CCDC40: variants seen among roughly 807,000 people sequenced by gnomAD.
CCDC40 encodes coiled-coil domain 40 molecular ruler complex subunit, also known as coiled-coil domain-containing protein 40.
A neutral mutation model predicts 124.5 loss-of-function variants in CCDC40; 104 were observed. The ratio of observed to expected loss-of-function variants is 0.84; its 90% CI spans 0.71 to 0.98. CCDC40 has a LOEUF of 0.98. Ranked by LOEUF, CCDC40 falls within the 50% of genes least tolerant of loss-of-function variation. The probability of loss-of-function intolerance (pLI) is 0.00; values close to 1 mark genes in which losing one functional copy is unlikely to be tolerated. For missense variants in CCDC40, 1,463 were observed against 1,503.9 expected, an observed-to-expected ratio of 0.97 and a Z score of 0.45; for synonymous variants, 580 against 602.9, an observed-to-expected ratio of 0.96 and a Z score of 0.56.
chr17:80,099,724 C>G lies in CCDC40; in HGVS notation c.3378C>G (p.His1126Gln). The G allele has an allele frequency of 6.2e-7, 1 of 1,613,704 alleles. No individual in the cohort carries two copies. The highest frequency in any genetic ancestry group is 1.1e-5 in the South Asian group (1 of 91,082). Residue 1126 changes from histidine (H) to glutamine (Q), a missense_variant, in exon 20 of 20, where the codon CAC becomes CAG. His to Gln is a conservative substitution (Grantham distance 24). Coordinates refer to ENST00000397545, the MANE Select transcript of CCDC40 (RefSeq NM_017950.4). ...ACCCCCAGTTCCAGGAGGCCCTGCA[C>G]AAGGTCAGCCAGATGATCGCCAACA... ...DEYPQFQEALHKVSQMIANKL... is the reference protein window; with the variant it reads ...DEYPQFQEALQKVSQMIANKL...
At chr17:80,089,590 G>T in intron 16 of CCDC40, 174 bp from the exon 17 acceptor site, 3 of 453,072 alleles carry the variant, frequency 6.6e-6, no homozygotes, top group South Asian at 1.9e-5. Flanking sequence ...GCAAACGTTT[G>T]CATAAGGAGC....
intron 17 of CCDC40, among the ~76,000 whole-genome samples, chr17:80,091,809 G>A (rs1567815051): frequency 6.6e-6 from 1 of 151,722 alleles, no homozygotes. Flanking sequence ...CCAAAGGTGA[G>A]ATTACTAGGT....
chr17:80,044,704 A>ATATATAT (rs1485851817), intron 3 of CCDC40, among the ~76,000 whole-genome samples: 2,533 of 35,092 alleles, frequency 0.072, 43 homozygotes, highest in Non-Finnish European at 0.1. Flanking sequence ...AAAACAAACA[A>ATATATAT]ACAAAAAAAA....
At position 80,066,632 on chromosome 17, in the gene CCDC40, G is replaced by C. The variant is rs2038053595; in HGVS notation, c.1562+1026G>C. On this transcript the variant is annotated intron_variant, in intron 10 of 19. Transcript: ENST00000397545. The surrounding 1 kb of genome is among the most constrained non-coding windows in gnomAD (Gnocchi z 4.4). Reference sequence around the variant, plus strand: ...TTAGCCAGGCATGGTGTGGGCGCCTGTAATCCCCGCTACTCGGGAGGGTGA... The same window carrying C: ...TTAGCCAGGCATGGTGTGGGCGCCTCTAATCCCCGCTACTCGGGAGGGTGA... The C allele has an allele frequency of 6.1e-6, 1 of 164,946 alleles. No individual in the cohort carries two copies. The highest frequency in any genetic ancestry group is 1.3e-5 in the Non-Finnish European group (1 of 76,046). 10.2% of individuals were successfully genotyped at this position (164,946 alleles called of 1,614,324 possible). A position where few individuals can be genotyped will look rare whatever the true frequency, so the allele number is the denominator to read the frequency against.
intron 9 of CCDC40, among the ~76,000 whole-genome samples, chr17:80,061,831 G>A (rs1257258579): frequency 3.0e-5 from 4 of 132,358 alleles, no homozygotes; most frequent in African/African-American, 1.2e-4. Context: ...CATCCAGGGC[G>A]ATATGATCAT....
At chr17:80,093,300 G>A (rs1016007347) in intron 17 of CCDC40, among the ~76,000 whole-genome samples, 7 of 152,102 alleles carry the variant, frequency 4.6e-5, no homozygotes, top group African/African-American at 1.7e-4. Flanking sequence ...TCCTGCCTCA[G>A]CCTCCTGAGT....
intron 9 of CCDC40, among the ~76,000 whole-genome samples, chr17:80,060,319 G>T (rs1204402748): frequency 1.3e-5 from 2 of 151,980 alleles, no homozygotes; most frequent in African/African-American, 4.8e-5. Flanking sequence ...GAGGCAAGAG[G>T]ATGGCTTGAG....
At chr17:80,040,870 C>G (rs904000072) in intron 3 of CCDC40, among the ~76,000 whole-genome samples, 3 of 152,116 alleles carry the variant, frequency 2.0e-5, no homozygotes, top group African/African-American at 7.2e-5. Flanking sequence ...TACGGTCCAT[C>G]AGTCACATGT....
At position 80,082,068 on chromosome 17, in the gene CCDC40, T is replaced by A. The variant is rs1401183157; in HGVS notation, c.1989+10T>A. The A allele has an allele frequency of 9.3e-6, 15 of 1,611,848 alleles. No individual in the cohort carries two copies. The highest frequency in any genetic ancestry group is 1.3e-5 in the Non-Finnish European group (15 of 1,179,274). ...GGAGAAGACCAACATGGTAGGCCCC[T>A]GCCCCAGGGAGGGGCTGTGCGAAGC... On this transcript the variant is annotated intron_variant, in intron 12 of 19. Coordinates refer to ENST00000397545, the MANE Select transcript of CCDC40 (RefSeq NM_017950.4).
chr17:80,082,869 T>G (rs1381859910), intron 12 of CCDC40, among the ~76,000 whole-genome samples: 1 of 152,212 alleles, frequency 6.6e-6, no homozygotes, highest in Non-Finnish European at 1.5e-5. Flanking sequence ...GACCAACACA[T>G]TCGTCTATTA....
intron 7 of CCDC40, among the ~76,000 whole-genome samples, chr17:80,056,005 TATATATATATA>T (rs1341549844): frequency 7.0e-5 from 2 of 28,512 alleles, no homozygotes; most frequent in African/African-American, 1.1e-4. Flanking sequence ...TATATATATA[TATATATATATA>T]TTTTTTTTTT....
chr17:80,057,315 T>G (rs2037774730), intron 7 of CCDC40, among the ~76,000 whole-genome samples: 1 of 151,810 alleles, frequency 6.6e-6, no homozygotes, highest in African/African-American at 2.4e-5. Flanking sequence ...CTTGAACTCC[T>G]GGCCTCAAGT....
chr17:80,059,954 G>A (rs1482795268), intron 9 of CCDC40, among the ~76,000 whole-genome samples: 1 of 152,122 alleles, frequency 6.6e-6, no homozygotes, highest in African/African-American at 2.4e-5. Flanking sequence ...ACTCAGCACT[G>A]GTCTCTCCAG....
At chr17:80,052,838 T>C (rs989656364) in intron 7 of CCDC40, among the ~76,000 whole-genome samples, 3 of 152,024 alleles carry the variant, frequency 2.0e-5, no homozygotes, top group African/African-American at 7.3e-5. Flanking sequence ...GGTAGTCTCA[T>C]GAGATTTTAG....
chr17:80,048,510 T>G, intron 4 of CCDC40, 73 bp from the exon 5 acceptor site: 1 of 1,261,274 alleles, frequency 7.9e-7, no homozygotes, highest in Non-Finnish European at 1.1e-6. Flanking sequence ...GCTGTGCCAT[T>G]GATGCCCCAG....
chr17:80,092,189 A>G (rs1183670510), intron 17 of CCDC40: 1 of 152,152 alleles, frequency 6.6e-6, no homozygotes, highest in Non-Finnish European at 1.5e-5. Context: ...GTGTGCCACC[A>G]TGCCTGGCTA....
rs1242075146 is a variant in CCDC40 at position 80,081,858 on chromosome 17, G to A, written c.1807-18G>A. 5 of 1,613,984 alleles carry A rather than the reference G, an allele frequency of 3.1e-6. No individual in the cohort carries two copies. Among genetic ancestry groups the A allele is most frequent in the African/African-American group, 1.3e-5 (1 of 74,948 alleles). On this transcript the variant is annotated intron_variant, in intron 11 of 19. Coordinates refer to ENST00000397545, the MANE Select transcript of CCDC40 (RefSeq NM_017950.4). ...GTGCCTCTTCAGGCACGTGCACCCT[G>A]TGGCTCCTTGTCTCCAGGAACAAAT...
chr17:80,047,481 C>A, intron 4 of CCDC40, 79 bp downstream of exon 4: 1 of 1,464,992 alleles, frequency 6.8e-7, no homozygotes, highest in Non-Finnish European at 9.3e-7. Flanking sequence ...GGATGCCACT[C>A]GTTTGTCATC....
intron 13 of CCDC40, among the ~76,000 whole-genome samples, 192 bp downstream of exon 13, chr17:80,085,180 A>G (rs1228841523): frequency 6.6e-6 from 1 of 152,236 alleles, no homozygotes; most frequent in African/African-American, 2.4e-5. Context: ...ACAAGGCCAG[A>G]GAGTATTCCG....
Sources: allele counts gnomAD v4.1 joint callset (sites outside exome capture counted in the v4.1 genomes callset), GRCh38; gene constraint gnomAD v4.1.1; non-coding constraint Gnocchi (gnomAD v3.1); transcripts MANE v1.5; gene names NCBI Gene and HGNC (gene_info 2026-07-23, HGNC 2026-07-21).